The following CENPP variants were observed in gnomAD, a reference collection of about 807,000 sequenced individuals.
CENPP encodes centromere protein P.
CENPP carries 24 observed loss-of-function variants against 35.6 expected under a neutral mutation model. The observed-to-expected ratio is 0.67, with a 90% confidence interval of 0.49 to 0.95. The LOEUF (loss-of-function observed/expected upper bound fraction) is 0.95, where lower values mean the gene tolerates loss of function less well. Among genes scored for constraint, CENPP ranks in the 40% least tolerant of loss-of-function variants. CENPP has a pLI of 0.00. For missense variants in CENPP, 332 were observed against 345.3 expected (o/e 0.96, Z 0.31); for synonymous variants, 120 against 125.5 (o/e 0.96, Z 0.29).
At position 92,517,318 on chromosome 9, in the gene CENPP, C is replaced by G; in HGVS notation, c.565-93996C>G. 9.6e-6 allele frequency: 3 copies of G among 312,038 alleles called. No individual in the cohort carries two copies. In the South Asian group the frequency reaches 1.5e-4, roughly 16 times the overall value. The allele number at this position is 312,038 out of a possible 1,614,324, so 19.3% of individuals were successfully genotyped here. On this transcript the variant is annotated intron_variant, in intron 5 of 7. Transcript: ENST00000375587. ...CCCTGGCTTCAAGATGATAAAGGCA[C>G]GTTGCACTGGATTAAGTGGGATAAT...
chr9:92,533,328 A>AAAAAAAAAAAAAAT (rs1554683138), intron 5 of CENPP, among the ~76,000 whole-genome samples: 1 of 38,332 alleles, frequency 2.6e-5, no homozygotes, highest in Non-Finnish European at 4.3e-5. Flanking sequence ...AAAAAAAAAA[A>AAAAAAAAAAAAAAT]ATATATATAT....
intron 5 of CENPP, among the ~76,000 whole-genome samples, chr9:92,419,219 T>C (rs1327835226): frequency 4.0e-5 from 6 of 151,888 alleles, no homozygotes; most frequent in Non-Finnish European, 2.9e-5. Context: ...CATATCTGCC[T>C]CTTGCCTCAT....
chr9:92,425,571 A>G (rs942916210), intron 5 of CENPP, among the ~76,000 whole-genome samples: 23 of 151,930 alleles, frequency 1.5e-4, no homozygotes, highest in Admixed American at 1.2e-3. Flanking sequence ...TTACAAACTA[A>G]TAAGATAAAG....
At chr9:92,448,344 A>T (rs968298159) in intron 5 of CENPP, among the ~76,000 whole-genome samples, 1 of 150,714 alleles carries the variant, frequency 6.6e-6, no homozygotes, top group Non-Finnish European at 1.5e-5. Flanking sequence ...ATTTCTGCTG[A>T]CTGCAGCCTC....
At position 92,534,491 on chromosome 9, in the gene CENPP, G is replaced by T. The variant is rs148808058; in HGVS notation, c.565-76823G>T. On this transcript the variant is annotated intron_variant, in intron 5 of 7. Coordinates refer to ENST00000375587, the MANE Select transcript of CENPP (RefSeq NM_001012267.3). ...TCTTCAGCGTATATATACATTAATTGCCACAGTCATTTGAAAACCATTACT... is the reference window on the plus strand; with the variant it reads ...TCTTCAGCGTATATATACATTAATTTCCACAGTCATTTGAAAACCATTACT... Among the ~76,000 whole-genome samples the T allele has an allele frequency of 3.1e-3, 465 of 152,210 alleles. 4 individuals carry two copies. The highest frequency in any genetic ancestry group is 0.01 in the African/African-American group (432 of 41,524).
chr9:92,561,422 T>C (rs1236530342), intron 5 of CENPP, among the ~76,000 whole-genome samples: 1 of 152,246 alleles, frequency 6.6e-6, no homozygotes, highest in Non-Finnish European at 1.5e-5. Context: ...AGTTTGGGCT[T>C]GGATGGATAT....
At chr9:92,403,297 A>G in intron 5 of CENPP, 1 of 1,612,206 alleles carries the variant, frequency 6.2e-7, no homozygotes, top group South Asian at 1.1e-5. Context: ...ATTCTTCAAA[A>G]TTATCTGTTC....
At chr9:92,355,616 C>T (rs996214615) in intron 4 of CENPP, among the ~76,000 whole-genome samples, 1 of 152,148 alleles carries the variant, frequency 6.6e-6, no homozygotes, top group Admixed American at 6.5e-5. Flanking sequence ...ACAAGAAATG[C>T]AGCATATTCA....
chr9:92,561,198 T>C (rs112585142), intron 5 of CENPP, among the ~76,000 whole-genome samples: 29 of 152,328 alleles, frequency 1.9e-4, no homozygotes, highest in African/African-American at 6.7e-4. Flanking sequence ...AATTGCCAGC[T>C]TCCATTTGGT....
chr9:92,496,391 C>G, intron 5 of CENPP: 2 of 1,610,320 alleles, frequency 1.2e-6, no homozygotes, highest in Middle Eastern at 1.7e-4. Flanking sequence ...TGGTATTTCT[C>G]TAATTTTAAT....
At chr9:92,438,906 G>A (rs1844312870) in intron 5 of CENPP, among the ~76,000 whole-genome samples, 1 of 152,192 alleles carries the variant, frequency 6.6e-6, no homozygotes, top group Non-Finnish European at 1.5e-5. Context: ...AGCTGAGGTT[G>A]CATTACTGCA....
At chr9:92,334,845 G>C (rs935078955) in intron 2 of CENPP, among the ~76,000 whole-genome samples, 1 of 150,752 alleles carries the variant, frequency 6.6e-6, no homozygotes, top group Non-Finnish European at 1.5e-5. Context: ...GCACCACTGC[G>C]CTTCAGCCTT....
chr9:92,517,520 C>A, intron 5 of CENPP: 1 of 869,120 alleles, frequency 1.2e-6, no homozygotes, highest in South Asian at 1.6e-5. Context: ...ATATCCCCTA[C>A]CATACATTTT....
rs75352686 is a variant in CENPP, at chr9:92,533,225, G to A, written c.565-78089G>A. ...TGAGGCAGGAGAATCACTTGAACCC[G>A]GGAGGTGGAGGTTGCAGTGAGCCGA... On this transcript the variant is annotated intron_variant, in intron 5 of 7. Transcript: ENST00000375587. Among the ~76,000 whole-genome samples, 647 of 140,352 alleles carry A rather than the reference G, an allele frequency of 4.6e-3. 4 individuals are homozygous for A. The highest frequency in any genetic ancestry group is 0.015 in the African/African-American group (554 of 37,362). The allele number at this position is 140,352 out of a possible 152,430, so 92.1% of individuals were successfully genotyped here.
intron 4 of CENPP, among the ~76,000 whole-genome samples, chr9:92,369,319 G>A (rs1470270530): frequency 6.6e-6 from 1 of 152,156 alleles, no homozygotes; most frequent in Non-Finnish European, 1.5e-5. Context: ...AGCTTGGCTT[G>A]TTTGAATAAT....
At chr9:92,576,077 G>A (rs556581426) in intron 5 of CENPP, among the ~76,000 whole-genome samples, 6 of 152,108 alleles carry the variant, frequency 3.9e-5, no homozygotes, top group Non-Finnish European at 5.9e-5. Context: ...ATTATTCACC[G>A]TAGCTATAAC....
intron 5 of CENPP, among the ~76,000 whole-genome samples, chr9:92,430,428 T>TC (rs1491128954): frequency 7.3e-6 from 1 of 136,404 alleles, no homozygotes; most frequent in East Asian, 2.0e-4. Flanking sequence ...CTTCTCTCTC[T>TC]TTTTTTTTTT....
intron 5 of CENPP, chr9:92,460,587 A>G (rs998551520): frequency 2.1e-6 from 3 of 1,400,368 alleles, no homozygotes; most frequent in South Asian, 1.2e-5. Context: ...AGAGAAATAT[A>G]TATGTTAAGT....
At chr9:92,470,762 G>T (rs1311081266) in intron 5 of CENPP, 5 of 1,591,296 alleles carry the variant, frequency 3.1e-6, no homozygotes, top group East Asian at 2.3e-5. Flanking sequence ...ATGGAATGTT[G>T]GTTGGGACTG....
Sources: gnomAD v4.1 joint callset for allele counts (sites outside exome capture counted in the v4.1 genomes callset) on GRCh38, gnomAD v4.1.1 for gene constraint, MANE v1.5 for transcripts, NCBI Gene and HGNC (gene_info 2026-07-23, HGNC 2026-07-21) for gene names.